Variants in XKR6 observed in about 807,000 individuals in gnomAD.
XKR6 encodes XK-related protein 6.
Under a neutral mutation model 56.7 loss-of-function variants are expected in XKR6, and 22 were observed. The ratio of observed to expected loss-of-function variants is 0.39; its 90% CI spans 0.28 to 0.55. The LOEUF (loss-of-function observed/expected upper bound fraction) is 0.55. Among genes scored for constraint, XKR6 ranks in the 20% least tolerant of loss-of-function variants. The pLI, the probability that XKR6 is intolerant of heterozygous loss-of-function variation, is 0.66. For synonymous variants in XKR6, 524 were observed against 387.8 expected (o/e 1.35, Z -4.13); for missense variants, 852 against 889.0 (o/e 0.96, Z 0.53).
At chr8:11,058,991 G>A (rs1309378387) in intron 1 of XKR6, among the ~76,000 whole-genome samples, 2 of 152,270 alleles carry the variant, frequency 1.3e-5, no homozygotes, top group East Asian at 3.8e-4. Flanking sequence ...CCGCTTTACA[G>A]AACAGGAAAC....
chr8:10,952,639 G>A lies in XKR6; in HGVS notation c.765-27809C>T, dbSNP rs532611795. Among the ~76,000 whole-genome samples the A allele has an allele frequency of 5.1e-4, 77 of 152,236 alleles. 1 individual carries two copies. The highest frequency in any genetic ancestry group is 1.8e-3 in the African/African-American group (76 of 41,528). The stretch of plus-strand genomic sequence containing the variant: ...TGGCTAATTTTCTTTATTTTTTGTA[G>A]AGACGGTTATACAGTTTGAATGTGT... On this transcript the variant is annotated intron_variant, in intron 1 of 2. Coordinates refer to ENST00000416569, the MANE Select transcript of XKR6 (RefSeq NM_173683.4).
chr8:10,934,986 C>A (rs1801170796), intron 1 of XKR6, among the ~76,000 whole-genome samples: 2 of 95,698 alleles, frequency 2.1e-5, no homozygotes, highest in Middle Eastern at 4.5e-3. Context: ...ACCAGTTCCT[C>A]CTTGTACCTC....
chr8:11,190,645 G>C (rs1294107456), intron 1 of XKR6, among the ~76,000 whole-genome samples: 1 of 152,156 alleles, frequency 6.6e-6, no homozygotes, highest in African/African-American at 2.4e-5. Flanking sequence ...CTAGACATCA[G>C]AGGTCTCAAA....
At chr8:10,981,423 G>A (rs1324353452) in intron 1 of XKR6, among the ~76,000 whole-genome samples, 1 of 152,240 alleles carries the variant, frequency 6.6e-6, no homozygotes, top group East Asian at 1.9e-4. Flanking sequence ...AAGGCTTGGT[G>A]ATGATCAGAT....
chr8:10,974,939 C>T (rs1802508817), intron 1 of XKR6, among the ~76,000 whole-genome samples: 1 of 152,210 alleles, frequency 6.6e-6, no homozygotes, highest in African/African-American at 2.4e-5. Context: ...TTGAATTGTA[C>T]ACTTACAAAT....
At chr8:11,024,315 C>A (rs138986803) in intron 1 of XKR6, among the ~76,000 whole-genome samples, 5 of 151,636 alleles carry the variant, frequency 3.3e-5, no homozygotes, top group Non-Finnish European at 5.9e-5. Context: ...TGACTCCTGT[C>A]CCTCCCCAAC....
rs570565589 is a variant in XKR6 at position 10,953,702 on chromosome 8, A to G, written c.765-28872T>C. 5.9e-5 allele frequency among the ~76,000 whole-genome samples: 9 copies of G among 152,312 alleles called. No homozygotes were observed. The South Asian group carries it at 6.2e-4, about 11-fold the overall frequency. Reference sequence around the variant, plus strand: ...GTATTTATTTACCCCTTTAAGATGTATAATTCACCGGTTTCAGTACTTCCA... The same window carrying G: ...GTATTTATTTACCCCTTTAAGATGTGTAATTCACCGGTTTCAGTACTTCCA... On this transcript the variant is annotated intron_variant, in intron 1 of 2. Coordinates refer to ENST00000416569, the MANE Select transcript of XKR6 (RefSeq NM_173683.4).
intron 1 of XKR6, among the ~76,000 whole-genome samples, chr8:10,942,488 T>A (rs1392462817): frequency 6.6e-6 from 1 of 152,238 alleles, no homozygotes; most frequent in African/African-American, 2.4e-5. Context: ...CAGGACTGCC[T>A]GCTCCCGGTC....
chr8:11,039,308 G>A (rs531805961), intron 1 of XKR6, among the ~76,000 whole-genome samples: 134 of 152,308 alleles, frequency 8.8e-4, no homozygotes, highest in African/African-American at 2.9e-3. Flanking sequence ...AACACCAGAG[G>A]GGGGATTGAG....
intron 1 of XKR6, among the ~76,000 whole-genome samples, chr8:11,059,063 G>A (rs1051734099): frequency 6.6e-5 from 10 of 151,076 alleles, no homozygotes; most frequent in Non-Finnish European, 1.5e-5. Flanking sequence ...GGCAGGACCA[G>A]GCTCTCACCC....
At chr8:11,195,456 C>A (rs1262982804) in intron 1 of XKR6, among the ~76,000 whole-genome samples, 3 of 152,126 alleles carry the variant, frequency 2.0e-5, no homozygotes, top group African/African-American at 7.2e-5. Context: ...TGTACAGACT[C>A]TTTATTCTCC....
At chr8:11,024,184 A>T (rs1798808677) in intron 1 of XKR6, among the ~76,000 whole-genome samples, 1 of 151,052 alleles carries the variant, frequency 6.6e-6, no homozygotes, top group South Asian at 2.1e-4. Flanking sequence ...GCCTTGTTGC[A>T]GACAACATAC....
intron 1 of XKR6, among the ~76,000 whole-genome samples, chr8:11,177,725 C>G (rs771598280): frequency 2.0e-5 from 3 of 152,212 alleles, no homozygotes; most frequent in Admixed American, 2.0e-4. Context: ...TTGACTGCCA[C>G]CCCAGAAGCT....
intron 1 of XKR6, among the ~76,000 whole-genome samples, chr8:11,159,433 G>T (rs970288752): frequency 1.3e-5 from 2 of 152,202 alleles, no homozygotes; most frequent in Non-Finnish European, 2.9e-5. Context: ...CGAGAGAAAA[G>T]AACAGCTGCT....
At chr8:11,114,609 C>G (rs1799069487) in intron 1 of XKR6, among the ~76,000 whole-genome samples, 1 of 152,210 alleles carries the variant, frequency 6.6e-6, no homozygotes, top group African/African-American at 2.4e-5. Flanking sequence ...GATCCACCCG[C>G]CTTGGCCTCC....
intron 2 of XKR6, among the ~76,000 whole-genome samples, chr8:10,913,042 GTATA>G (rs59430151): frequency 6.7e-6 from 1 of 148,658 alleles, no homozygotes; most frequent in Non-Finnish European, 1.5e-5. Context: ...GTGTGTGCTT[GTATA>G]TATATATAGT....
At chr8:11,013,895 C>T in intron 1 of XKR6, among the ~76,000 whole-genome samples, 1 of 152,232 alleles carries the variant, frequency 6.6e-6, no homozygotes, top group Non-Finnish European at 1.5e-5. Flanking sequence ...TACCGGAGCC[C>T]CTCATGGGAG....
chr8:11,058,536 A>G (rs139547367), intron 1 of XKR6, among the ~76,000 whole-genome samples: 4,790 of 152,348 alleles, frequency 0.031, 190 homozygotes, highest in African/African-American at 0.095. Flanking sequence ...TGTCCTTTGC[A>G]GGAACATGAA....
intron 1 of XKR6, among the ~76,000 whole-genome samples, chr8:11,043,074 C>A (rs1322582029): frequency 6.6e-6 from 1 of 152,098 alleles, no homozygotes; most frequent in Non-Finnish European, 1.5e-5. Flanking sequence ...TGGTTGGAGA[C>A]CTCCACAGAG....
Sources: gnomAD v4.1 joint callset for allele counts (sites outside exome capture counted in the v4.1 genomes callset) on GRCh38, gnomAD v4.1.1 for gene constraint, MANE v1.5 for transcripts, NCBI Gene and HGNC (gene_info 2026-07-23, HGNC 2026-07-21) for gene names.